The following GPR160 variants were observed in gnomAD, a reference collection of about 807,000 sequenced individuals.
The protein encoded by GPR160 is probable G protein-coupled receptor 160.
A neutral mutation model predicts 2.6 loss-of-function variants in GPR160; 2 were observed. That is an observed-to-expected ratio of 0.77 (90% CI 0.32 to 2.44). The LOEUF (loss-of-function observed/expected upper bound fraction) is 2.44, where lower values mean the gene tolerates loss of function less well. GPR160 is among the 30% of genes most tolerant of loss of function. The probability of loss-of-function intolerance (pLI) is 0.11; values close to 1 mark genes in which losing one functional copy is unlikely to be tolerated. For missense variants in GPR160, 351 were observed against 383.6 expected (o/e 0.91, Z 0.71); for synonymous variants, 130 against 132.2 (o/e 0.98, Z 0.12).
At chr3:170,072,618 G>A (rs1033845279) in intron 2 of GPR160, among the ~76,000 whole-genome samples, 1 of 152,152 alleles carries the variant, frequency 6.6e-6, no homozygotes, top group Non-Finnish European at 1.5e-5. Context: ...GGCAGAGGGG[G>A]AGCAGGTGTG....
At chr3:170,067,386 TCCTTTGTTCATTTTA>T (rs367676955) in intron 2 of GPR160, among the ~76,000 whole-genome samples, 2,170 of 152,364 alleles carry the variant, frequency 0.014, 33 homozygotes, top group Middle Eastern at 0.037. Flanking sequence ...TCTCTTCAAA[TCCTTTGTTCATTTTA>T]CTATTTCAAT....
intron 2 of GPR160, among the ~76,000 whole-genome samples, chr3:170,055,690 A>G (rs1216512409): frequency 6.6e-6 from 1 of 151,944 alleles, no homozygotes; most frequent in Non-Finnish European, 1.5e-5. Context: ...GCTGGAGTGC[A>G]GTGGCGCGAT....
intron 2 of GPR160, among the ~76,000 whole-genome samples, chr3:170,044,681 G>T (rs865784264): frequency 2.0e-5 from 3 of 152,140 alleles, no homozygotes; most frequent in African/African-American, 2.4e-5. Context: ...TTTAAGCAGG[G>T]GACCCATGTG....
rs1009099104 is a variant in GPR160 at position 170,038,080 on chromosome 3, C to CGCGGG, written c.-436_-432dup. On this transcript the variant is annotated 5_prime_UTR_variant, in exon 1 of 4. Coordinates refer to ENST00000355897, the MANE Select transcript of GPR160 (RefSeq NM_014373.3). This position sits in a 1 kb window ranked among gnomAD's most constrained non-coding sequence, Gnocchi z 5.3. Reference sequence around the variant, plus strand: ...TGCTCCCCTGCCCCTCCCGGGAGCGCGCGGGGCGGGGCGGGGCGGGGCGGG... The same window carrying CGCGGG: ...TGCTCCCCTGCCCCTCCCGGGAGCGCGCGGGGCGGGGCGGGGCGGGGCGGGGCGGG... 1.7e-4 allele frequency: 26 copies of CGCGGG among 152,668 alleles called. No homozygotes were observed. Among genetic ancestry groups the CGCGGG allele is most frequent in the Non-Finnish European group, 2.4e-4 (16 of 67,974 alleles). 9.5% of individuals were successfully genotyped at this position (152,668 alleles called of 1,614,324 possible).
At chr3:170,074,528 C>G (rs544710385) in intron 2 of GPR160, among the ~76,000 whole-genome samples, 6 of 152,024 alleles carry the variant, frequency 3.9e-5, no homozygotes, top group Non-Finnish European at 7.4e-5. Flanking sequence ...GTCTCCCAGG[C>G]TGGAGTGTAG....
At chr3:170,078,147 CAGA>C (rs1177182719) in intron 2 of GPR160, among the ~76,000 whole-genome samples, 2 of 152,146 alleles carry the variant, frequency 1.3e-5, no homozygotes, top group Non-Finnish European at 2.9e-5. Flanking sequence ...CCATAGTTCC[CAGA>C]AGAAGGCACG....
At chr3:170,069,327 G>A (rs148989031) in intron 2 of GPR160, among the ~76,000 whole-genome samples, 1 of 152,312 alleles carries the variant, frequency 6.6e-6, no homozygotes, top group East Asian at 1.9e-4. Context: ...AGATTTTTGA[G>A]GGTCCTGAGG....
chr3:170,064,823 G>C (rs992823284), intron 2 of GPR160, among the ~76,000 whole-genome samples: 1 of 152,042 alleles, frequency 6.6e-6, no homozygotes. Context: ...CAGCTATGCA[G>C]GACCCATTCT....
chr3:170,055,402 A>T (rs1711587081), intron 2 of GPR160, among the ~76,000 whole-genome samples: 1 of 152,356 alleles, frequency 6.6e-6, no homozygotes, highest in Non-Finnish European at 1.5e-5. Flanking sequence ...AACCATGAAC[A>T]ACTAAGCATG....
chr3:170,062,527 C>A, intron 2 of GPR160: 1 of 663,586 alleles, frequency 1.5e-6, no homozygotes, highest in Non-Finnish European at 2.8e-6. Flanking sequence ...ACACGGAGCA[C>A]GAAGCCCAAG....
chr3:170,039,379 C>T (rs984467904), intron 2 of GPR160, among the ~76,000 whole-genome samples: 2 of 151,942 alleles, frequency 1.3e-5, no homozygotes, highest in African/African-American at 4.8e-5. Context: ...AAGGTGTGGA[C>T]GTTGGTTGGA....
chr3:170,066,176 T>C (rs1712328478), intron 2 of GPR160, among the ~76,000 whole-genome samples: 1 of 129,774 alleles, frequency 7.7e-6, no homozygotes, highest in Non-Finnish European at 1.6e-5. Context: ...AGCCTCGCTC[T>C]GTCACCCAGG....
chr3:170,084,046 A>G lies in GPR160; in HGVS notation c.74A>G (p.Asn25Ser). 3 of 1,582,862 alleles carry G rather than the reference A, an allele frequency of 1.9e-6. No homozygotes were observed. Among genetic ancestry groups the G allele is most frequent in the Non-Finnish European group, 2.6e-6 (3 of 1,164,896 alleles). The change falls in exon 4 of 4, where the codon AAC (asparagine) becomes AGC (serine). Residue 25 changes from asparagine to serine, a missense_variant. Coordinates refer to ENST00000355897, the MANE Select transcript of GPR160 (RefSeq NM_014373.3). ...CAAACAAACCAGCCCCTAGATGTTA[A>G]CTATCTGCTATTCTTGATCATACTT... ...LRQTNQPLDVNYLLFLIILGK... is the reference protein window; with the variant it reads ...LRQTNQPLDVSYLLFLIILGK...
intron 3 of GPR160, among the ~76,000 whole-genome samples, chr3:170,082,055 C>T (rs1445486870): frequency 6.6e-6 from 1 of 152,108 alleles, no homozygotes; most frequent in East Asian, 1.9e-4. Context: ...CATCAGTGAC[C>T]TATTTTTAGG....
At chr3:170,046,573 GAC>G (rs1412696707) in intron 2 of GPR160, among the ~76,000 whole-genome samples, 5 of 152,122 alleles carry the variant, frequency 3.3e-5, no homozygotes, top group African/African-American at 7.2e-5. Flanking sequence ...ATGAAATCCT[GAC>G]ACAGACACAG....
At chr3:170,062,870 G>A in intron 2 of GPR160, 1 of 451,880 alleles carries the variant, frequency 2.2e-6, no homozygotes, top group Admixed American at 3.4e-5. Flanking sequence ...AATGACAAAG[G>A]CCGGGTGTGA....
intron 2 of GPR160, among the ~76,000 whole-genome samples, chr3:170,069,242 A>G (rs2108336850): frequency 6.6e-6 from 1 of 152,276 alleles, no homozygotes; most frequent in East Asian, 1.9e-4. Flanking sequence ...TGCTTATTTC[A>G]TTTGCAACGA....
At chr3:170,055,783 T>C (rs1460328331) in intron 2 of GPR160, among the ~76,000 whole-genome samples, 2 of 150,738 alleles carry the variant, frequency 1.3e-5, no homozygotes, top group Admixed American at 1.3e-4. Context: ...TGCAGGTGTC[T>C]GCCACAACGC....
intron 2 of GPR160, among the ~76,000 whole-genome samples, chr3:170,056,332 A>G (rs1711642151): frequency 6.6e-6 from 1 of 152,262 alleles, no homozygotes; most frequent in East Asian, 1.9e-4. Flanking sequence ...AATTCATGGT[A>G]GCTTTATAGA....
Sources: allele counts gnomAD v4.1 joint callset (sites outside exome capture counted in the v4.1 genomes callset), GRCh38; gene constraint gnomAD v4.1.1; non-coding constraint Gnocchi (gnomAD v3.1); transcripts MANE v1.5; gene names NCBI Gene and HGNC (gene_info 2026-07-23, HGNC 2026-07-21).